Variants in KTN1 observed in about 807,000 individuals in gnomAD.
KTN1 encodes kinectin 1.
In KTN1, 130 loss-of-function variants were observed where a neutral mutation model predicts 222.5. That is an observed-to-expected ratio of 0.58 (90% CI 0.51 to 0.68). The LOEUF is 0.68. KTN1 is among the 30% of genes least tolerant of loss of function. KTN1 has a pLI of 0.00. For missense variants in KTN1, 1,508 were observed against 1,500.4 expected, an observed-to-expected ratio of 1.01 and a Z score of -0.08; for synonymous variants, 512 against 496.3, an observed-to-expected ratio of 1.03 and a Z score of -0.42.
chr14:55,620,492 A>G (rs1362975701), intron 5 of KTN1, among the ~76,000 whole-genome samples: 1 of 152,208 alleles, frequency 6.6e-6, no homozygotes, highest in Non-Finnish European at 1.5e-5. Flanking sequence ...CTGCCTGGAC[A>G]TCCAGGTGTT....
At chr14:55,679,975 C>A (rs1226296265) in intron 43 of KTN1, 1 of 333,412 alleles carries the variant, frequency 3.0e-6, no homozygotes, top group East Asian at 7.0e-5. Flanking sequence ...ATACCTGCAA[C>A]GGCTTCGTTA....
At chr14:55,608,115 C>T (rs1015089226) in intron 1 of KTN1, among the ~76,000 whole-genome samples, 2 of 152,118 alleles carry the variant, frequency 1.3e-5, no homozygotes, top group Non-Finnish European at 2.9e-5. Flanking sequence ...TTAACTTTGT[C>T]TCAACCTCTT....
chr14:55,605,953 CTG>C (rs993768329), intron 1 of KTN1, among the ~76,000 whole-genome samples: 1 of 151,640 alleles, frequency 6.6e-6, no homozygotes, highest in African/African-American at 2.4e-5. Flanking sequence ...ATTAACTTGT[CTG>C]TTTAAAAAAA....
chr14:55,642,572 T>C (rs1386029300), intron 18 of KTN1, among the ~76,000 whole-genome samples: 2 of 152,196 alleles, frequency 1.3e-5, no homozygotes, highest in East Asian at 3.8e-4. Context: ...TTGTTCCTAA[T>C]ATTAAGTTTT....
chr14:55,639,232 C>T lies in KTN1; in HGVS notation c.1823+10C>T, dbSNP rs1314687065. 1 of 1,589,530 alleles carries T rather than the reference C, an allele frequency of 6.3e-7. No individual in the cohort carries two copies. The highest frequency in any genetic ancestry group is 8.6e-7 in the Non-Finnish European group (1 of 1,158,552). On this transcript the variant is annotated intron_variant, in intron 13 of 43. Coordinates refer to ENST00000395314, the MANE Select transcript of KTN1 (RefSeq NM_001079521.2). ...AAGAATTACATAAAGTGTAAGCCTA[C>T]CTTTTCACACTCTTATAATTGTGTA...
intron 35 of KTN1, 111 bp from the exon 36 acceptor site, chr14:55,671,451 TTATA>T (rs2045440405): frequency 1.5e-6 from 1 of 686,556 alleles, no homozygotes; most frequent in African/African-American, 1.8e-5. Context: ...TAGTGTTTCC[TTATA>T]AAACACTTTG....
intron 28 of KTN1, among the ~76,000 whole-genome samples, chr14:55,654,593 G>A (rs1296982502): frequency 1.3e-5 from 2 of 149,572 alleles, no homozygotes; most frequent in South Asian, 2.1e-4. Flanking sequence ...ATTTTTTGTG[G>A]TGGAGAACTT....
Position 55,653,005 on chromosome 14 carries a change from AT to A in KTN1, c.2695-10del, listed in dbSNP as rs750382769. ...TTGACTATCAATTTAATTTACACCT[AT>A]TCTTTTTAAGGATCTTCAAGAAGAA... On this transcript the variant is annotated splice_polypyrimidine_tract_variant and intron_variant, in intron 26 of 43. Coordinates refer to ENST00000395314, the MANE Select transcript of KTN1 (RefSeq NM_001079521.2). The A allele has an allele frequency of 7.2e-5, 115 of 1,595,362 alleles. No individual in the cohort carries two copies. The East Asian group carries it at 2.3e-3, about 32-fold the overall frequency.
chr14:55,649,017 C>T (rs2042671501), intron 21 of KTN1, 147 bp downstream of exon 21: 3 of 615,220 alleles, frequency 4.9e-6, no homozygotes, highest in Non-Finnish European at 8.7e-6. Flanking sequence ...CCTCGAACTC[C>T]TGGGCTCAAC....
intron 34 of KTN1, among the ~76,000 whole-genome samples, chr14:55,669,132 G>T (rs568781561): frequency 6.6e-6 from 1 of 152,016 alleles, no homozygotes; most frequent in South Asian, 2.1e-4. Context: ...AATACTGGGG[G>T]ATGTATTTTT....
intron 5 of KTN1, among the ~76,000 whole-genome samples, chr14:55,626,571 T>C (rs2039853130): frequency 6.6e-6 from 1 of 152,034 alleles, no homozygotes; most frequent in Non-Finnish European, 1.5e-5. Flanking sequence ...GTATCGTGTA[T>C]AGATCCTGTT....
At chr14:55,607,065 G>A (rs1017171482) in intron 1 of KTN1, among the ~76,000 whole-genome samples, 1 of 152,002 alleles carries the variant, frequency 6.6e-6, no homozygotes, top group Non-Finnish European at 1.5e-5. Context: ...TGGTTAAGCA[G>A]CTCTATTGAA....
intron 28 of KTN1, among the ~76,000 whole-genome samples, chr14:55,654,295 C>T (rs1054199363): frequency 2.0e-5 from 3 of 151,932 alleles, no homozygotes; most frequent in Admixed American, 1.3e-4. Flanking sequence ...AGAAGTGCCC[C>T]GTTTTAAACT....
Position 55,652,957 on chromosome 14 carries a change from A to C in KTN1, c.2694+17A>C, listed in dbSNP as rs1456314342. On this transcript the variant is annotated intron_variant, in intron 26 of 43. Coordinates refer to ENST00000395314, the MANE Select transcript of KTN1 (RefSeq NM_001079521.2). ...TGGTTACAGGTGAGAAATTAAAAAC[A>C]ATAAAAAATAGCCTTTTTATACTTG... is the stretch of plus-strand genomic sequence containing the variant. The C allele has an allele frequency of 1.9e-6, 3 of 1,594,412 alleles. No individual in the cohort carries two copies.
intron 5 of KTN1, among the ~76,000 whole-genome samples, chr14:55,622,923 A>T (rs923030581): frequency 2.6e-5 from 4 of 151,708 alleles, no homozygotes; most frequent in Non-Finnish European, 5.9e-5. Context: ...ATTTTTTCTT[A>T]TTCCCTCACC....
At chr14:55,598,520 C>CA (rs1408357374) in intron 1 of KTN1, among the ~76,000 whole-genome samples, 1 of 148,404 alleles carries the variant, frequency 6.7e-6, no homozygotes, top group Non-Finnish European at 1.5e-5. Flanking sequence ...AAAAAAATTA[C>CA]ATTCTGGATT....
intron 1 of KTN1, among the ~76,000 whole-genome samples, chr14:55,581,499 A>G (rs2031632846): frequency 1.3e-5 from 2 of 151,808 alleles, no homozygotes; most frequent in Admixed American, 6.6e-5. Context: ...GCCTTGAGTA[A>G]AGAGCTACGG....
At chr14:55,661,487 A>G (rs535714443) in intron 31 of KTN1, 35 bp from the exon 32 acceptor site, 5 of 1,147,712 alleles carry the variant, frequency 4.4e-6, no homozygotes, top group African/African-American at 3.0e-5. Context: ...CTGTTTACCT[A>G]AAATCTTGCT....
At chr14:55,664,666 C>T (rs1250781761) in intron 33 of KTN1, among the ~76,000 whole-genome samples, 1 of 152,146 alleles carries the variant, frequency 6.6e-6, no homozygotes, top group Non-Finnish European at 1.5e-5. Context: ...ATATAGCCCC[C>T]TCTGTCTTCA....
Sources: allele counts gnomAD v4.1 joint callset (sites outside exome capture counted in the v4.1 genomes callset), GRCh38; gene constraint gnomAD v4.1.1; transcripts MANE v1.5; gene names NCBI Gene and HGNC (gene_info 2026-07-23, HGNC 2026-07-21).